Variants in RAB11FIP5 observed in about 807,000 individuals in gnomAD.
RAB11FIP5 encodes RAB11 family interacting protein 5, also known as rab11 family-interacting protein 5.
A neutral mutation model predicts 85.1 loss-of-function variants in RAB11FIP5; 48 were observed. The observed-to-expected ratio is 0.56, with a 90% CI of 0.45 to 0.72. The LOEUF is 0.72. RAB11FIP5 is among the 30% of genes least tolerant of loss of function. The pLI, the probability that RAB11FIP5 is intolerant of heterozygous loss-of-function variation, is 0.00. For synonymous variants in RAB11FIP5, 729 were observed against 727.3 expected, an observed-to-expected ratio of 1.00 and a Z score of -0.04; for missense variants, 1,491 against 1,687.0, an observed-to-expected ratio of 0.88 and a Z score of 2.04.
chr2:73,082,160 G>GC (rs1238752127), intron 3 of RAB11FIP5, among the ~76,000 whole-genome samples: 1 of 150,564 alleles, frequency 6.6e-6, no homozygotes, highest in Non-Finnish European at 1.5e-5. Context: ...CTCAGTGTGT[G>GC]CCACCACACC....
chr2:73,088,227 A>G lies in RAB11FIP5; in HGVS notation c.1391T>C (p.Leu464Pro), dbSNP rs1212389057. 6.2e-7 allele frequency: 1 copy of G among 1,613,888 alleles called. No individual in the cohort carries two copies. Among genetic ancestry groups the G allele is most frequent in the Non-Finnish European group, 8.5e-7 (1 of 1,180,020 alleles). The part of the protein sequence containing the change: ...RKEERKPRMG[L>P]FHHHHQGLSR... ...TAGGCCTTGGTGGTGGTGGTGGAAG[A>G]GACCCATCCGGGGCTTGCGTTCCTC... Residue 464 changes from leucine to proline, a missense_variant, in exon 3 of 6, where the codon CTC becomes CCC. Coordinates refer to ENST00000486777, the MANE Select transcript of RAB11FIP5 (RefSeq NM_001371272.1).
intron 1 of RAB11FIP5, among the ~76,000 whole-genome samples, chr2:73,094,497 A>T (rs1487489582): frequency 1.3e-5 from 2 of 152,228 alleles, no homozygotes; most frequent in African/African-American, 4.8e-5. Flanking sequence ...ATATACAGAT[A>T]TAAATCCACC....
chr2:73,103,627 G>T (rs928561451), intron 1 of RAB11FIP5, among the ~76,000 whole-genome samples: 1 of 152,134 alleles, frequency 6.6e-6, no homozygotes, highest in Non-Finnish European at 1.5e-5. Flanking sequence ...CGCAAAAATG[G>T]TGATCCCCCT....
Position 73,081,614 on chromosome 2 carries a change from G to A in RAB11FIP5, c.1618C>T (p.His540Tyr). The A allele has an allele frequency of 2.5e-6, 3 of 1,224,022 alleles. No homozygotes were observed. Among genetic ancestry groups the A allele is most frequent in the African/African-American group, 1.6e-5 (1 of 64,290 alleles). The allele number at this position is 1,224,022 out of a possible 1,614,324, so 75.8% of individuals were successfully genotyped here. The change falls in exon 4 of 6, where the codon CAC becomes TAC. Residue 540 changes from histidine (H) to tyrosine (Y), a missense_variant. His to Tyr is a moderately conservative substitution (Grantham distance 83). This residue lies in a region of RAB11FIP5 where 1,211 missense variants were observed against 1,338.0 expected (regional missense o/e 0.91). Coordinates refer to ENST00000486777, the MANE Select transcript of RAB11FIP5 (RefSeq NM_001371272.1). The surrounding 1 kb of genome is among the most constrained non-coding windows in gnomAD (Gnocchi z 4.2). ...GGAGCCCAGGGGGAGCAGGGGAGGT[G>A]GTGAGGAAGAGCAGCTGGGTCAGAT... ...VESDPAALPH[H>Y]LPCSPWAPAP...
chr2:73,108,447 T>G (rs1684572676), intron 1 of RAB11FIP5, among the ~76,000 whole-genome samples: 1 of 152,172 alleles, frequency 6.6e-6, no homozygotes, highest in South Asian at 2.1e-4. Flanking sequence ...CCTCCTCTCC[T>G]AAAACACACA....
Position 73,080,138 on chromosome 2 carries a change from C to T in RAB11FIP5, c.3094G>A (p.Glu1032Lys), listed in dbSNP as rs770050027. The T allele has an allele frequency of 1.6e-6, 2 of 1,232,186 alleles. No homozygotes were observed. Among genetic ancestry groups the T allele is most frequent in the Non-Finnish European group, 1.0e-6 (1 of 988,010 alleles). 76.3% of individuals were successfully genotyped at this position (1,232,186 alleles called of 1,614,324 possible). ...PEVGEGPEAP[E>K]AQGQDPVGEG... ...CCTACTGGATCCTGGCCCTGGGCCT[C>T]AGGAGCCTCAGGGCCTTCTCCAACC... Residue 1032 changes from glutamate to lysine, a missense_variant, in exon 4 of 6, where the codon GAG becomes AAG. By Grantham distance (56) the Glu-to-Lys change is moderately conservative. Coordinates refer to ENST00000486777, the MANE Select transcript of RAB11FIP5 (RefSeq NM_001371272.1).
chr2:73,080,919 T>G lies in RAB11FIP5; in HGVS notation c.2313A>C (p.Pro771=). The change falls in exon 4 of 6, where the codon CCA becomes CCC. Residue 771 remains proline (P), a synonymous_variant. Coordinates refer to ENST00000486777, the MANE Select transcript of RAB11FIP5 (RefSeq NM_001371272.1). ...TCTGCCCTGCTTCCACTTCCGGGGC[T>G]GGCAGTTCCCTGTCTGGTTCTGAGC... The part of the protein sequence containing the change: ...ASGSEPDREL[P]APEVEAGQSP... The G allele has an allele frequency of 8.1e-7, 1 of 1,232,692 alleles. No individual in the cohort carries two copies. The allele number at this position is 1,232,692 out of a possible 1,614,324, so 76.4% of individuals were successfully genotyped here. A position where few individuals can be genotyped will look rare whatever the true frequency, so the allele number is the denominator to read the frequency against.
At chr2:73,082,041 T>C (rs1020039863) in intron 3 of RAB11FIP5, among the ~76,000 whole-genome samples, 4 of 63,104 alleles carry the variant, frequency 6.3e-5, no homozygotes, top group East Asian at 9.6e-4. Flanking sequence ...CTTACATCCC[T>C]TTTTTTTTTT....
At chr2:73,104,882 G>C (rs1684494348) in intron 1 of RAB11FIP5, among the ~76,000 whole-genome samples, 1 of 152,152 alleles carries the variant, frequency 6.6e-6, no homozygotes, top group South Asian at 2.1e-4. Flanking sequence ...TGCTGCGTTA[G>C]GCTTATCTCA....
Position 73,075,975 on chromosome 2 carries a change from C to A in RAB11FIP5, c.3771+18G>T. On this transcript the variant is annotated intron_variant, in intron 5 of 5. Coordinates refer to ENST00000486777, the MANE Select transcript of RAB11FIP5 (RefSeq NM_001371272.1). The surrounding 1 kb of genome is among the most constrained non-coding windows in gnomAD (Gnocchi z 4.6). Reference sequence around the variant, plus strand: ...CACACATTCTGTCAGATGGCCCCCACACCCTGCTGGGCCTTACCTTCAGCC... The same window carrying A: ...CACACATTCTGTCAGATGGCCCCCAAACCCTGCTGGGCCTTACCTTCAGCC... 6.2e-7 allele frequency: 1 copy of A among 1,603,128 alleles called. No homozygotes were observed.
chr2:73,088,883 T>G lies in RAB11FIP5; in HGVS notation c.864A>C (p.Glu288Asp), dbSNP rs772677659. Residue 288 changes from glutamate to aspartate, a missense_variant, in exon 2 of 6, where the codon GAA becomes GAC. Glu to Asp is a conservative substitution (Grantham distance 45, BLOSUM62 2). Coordinates refer to ENST00000486777, the MANE Select transcript of RAB11FIP5 (RefSeq NM_001371272.1). ...GGCGGCCCTGTGCTTGCTCACCCCC[T>G]TCAGTGGACAGCCAGCTGCTACGGC... ...SPSRSSWLSTEGGRDSAQSPK... is the reference protein window; with the variant it reads ...SPSRSSWLSTDGGRDSAQSPK... The G allele has an allele frequency of 1.3e-6, 2 of 1,573,726 alleles. No individual in the cohort carries two copies. Among genetic ancestry groups the G allele is most frequent in the Admixed American group, 3.6e-5 (2 of 56,288 alleles).
At position 73,074,946 on chromosome 2, in the gene RAB11FIP5, A is replaced by G. The variant is rs1230358881; in HGVS notation, c.*575T>C. The G allele has an allele frequency of 5.8e-6, 2 of 344,742 alleles. No homozygotes were observed. The highest frequency in any genetic ancestry group is 5.7e-6 in the Non-Finnish European group (1 of 174,796). The allele number at this position is 344,742 out of a possible 1,614,324, so 21.4% of individuals were successfully genotyped here. A position where few individuals can be genotyped will look rare whatever the true frequency, so the allele number is the denominator to read the frequency against. On this transcript the variant is annotated 3_prime_UTR_variant, in exon 6 of 6. Transcript: ENST00000486777. Reference sequence around the variant, plus strand: ...AGCTCCAGACTGAAGCAGACTCAGGACATGGCAGAGACTGGCCCAGACCAC... The same window carrying G: ...AGCTCCAGACTGAAGCAGACTCAGGGCATGGCAGAGACTGGCCCAGACCAC...
At chr2:73,079,083 T>G (rs1191278438) in intron 4 of RAB11FIP5, among the ~76,000 whole-genome samples, 4 of 152,188 alleles carry the variant, frequency 2.6e-5, no homozygotes, top group African/African-American at 9.7e-5. Context: ...GTGTTTGAGT[T>G]TTCCTTTTTC....
chr2:73,097,786 C>A (rs1400692383), intron 1 of RAB11FIP5, among the ~76,000 whole-genome samples: 1 of 152,212 alleles, frequency 6.6e-6, no homozygotes. Flanking sequence ...CCTCAGCCCC[C>A]AACTGAACTA....
chr2:73,104,799 GT>G (rs1684492111), intron 1 of RAB11FIP5, among the ~76,000 whole-genome samples: 1 of 152,112 alleles, frequency 6.6e-6, no homozygotes, highest in African/African-American at 2.4e-5. Context: ...ACTCCAACTG[GT>G]GAGCTCCCTC....
In RAB11FIP5 at chr2:73,089,049, C is replaced by T. The variant is rs754245409; in HGVS notation, c.698G>A (p.Gly233Asp). ...GCGCAGCTTGTTGCGGAGGAAGAAG[C>T]CTTTGGCTTTGCCCATCTTGCCCAG... ...GSLGKMGKAKGFFLRNKLRKS... is the reference protein window; with the variant it reads ...GSLGKMGKAKDFFLRNKLRKS... Residue 233 changes from glycine to aspartate, a missense_variant, in exon 2 of 6, where the codon GGC becomes GAC. By Grantham distance (94) the Gly-to-Asp change is moderately conservative (BLOSUM62 -1). Coordinates refer to ENST00000486777, the MANE Select transcript of RAB11FIP5 (RefSeq NM_001371272.1). This position sits in a 1 kb window ranked among gnomAD's most constrained non-coding sequence, Gnocchi z 4.6. The T allele has an allele frequency of 6.8e-6, 11 of 1,614,204 alleles. No individual in the cohort carries two copies. The highest frequency in any genetic ancestry group is 8.5e-6 in the Non-Finnish European group (10 of 1,180,034).
intron 1 of RAB11FIP5, among the ~76,000 whole-genome samples, chr2:73,098,223 C>T (rs1684360301): frequency 6.6e-6 from 1 of 152,144 alleles, no homozygotes; most frequent in Admixed American, 6.5e-5. Context: ...GGCTGAGTTA[C>T]CCAACCCAAA....
rs1574293319 is a variant in RAB11FIP5, at chr2:73,079,811, G to C, written c.3421C>G (p.Pro1141Ala). ...AWPLTTSSAPPGEPALLPGPH... is the reference protein window; with the variant it reads ...AWPLTTSSAPAGEPALLPGPH... ...CCAGGGAGTAAGGCTGGCTCCCCTG[G>C]TGGTGCAGAGGAGGTAGTCAGGGGC... Residue 1141 changes from proline to alanine, a missense_variant, in exon 4 of 6, where the codon CCA (proline) becomes GCA (alanine). By Grantham distance (27) the Pro-to-Ala change is conservative. This residue lies in a region of RAB11FIP5 where 232 missense variants were observed against 259.1 expected (regional missense o/e 0.90). Transcript: ENST00000486777. 1.6e-6 allele frequency: 2 copies of C among 1,232,324 alleles called. No homozygotes were observed. The highest frequency in any genetic ancestry group is 1.6e-5 in the African/African-American group (1 of 64,512). 76.3% of individuals were successfully genotyped at this position (1,232,324 alleles called of 1,614,324 possible).
At chr2:73,106,505 C>T (rs1684529432) in intron 1 of RAB11FIP5, among the ~76,000 whole-genome samples, 1 of 152,208 alleles carries the variant, frequency 6.6e-6, no homozygotes, top group Non-Finnish European at 1.5e-5. Context: ...GGAATCTCTC[C>T]CCCACCAGTG....
Sources: gnomAD v4.1 joint callset for allele counts (sites outside exome capture counted in the v4.1 genomes callset) on GRCh38, gnomAD v4.1.1 for gene constraint, gnomAD v4.1.1 regional missense constraint, Gnocchi (gnomAD v3.1) non-coding constraint, MANE v1.5 for transcripts, NCBI Gene and HGNC (gene_info 2026-07-23, HGNC 2026-07-21) for gene names.